The following ADGRG5 variants were observed in gnomAD, a reference collection of about 807,000 sequenced individuals.
ADGRG5 encodes the protein G protein-coupled receptor 114.
ADGRG5 carries 37 observed loss-of-function variants against 53.2 expected under a neutral mutation model. The ratio of observed to expected loss-of-function variants is 0.70; its 90% confidence interval spans 0.53 to 0.91. The LOEUF is 0.91. ADGRG5 is among the 40% of genes least tolerant of loss of function. The probability of loss-of-function intolerance (pLI) is 0.00; values close to 1 mark genes in which losing one functional copy is unlikely to be tolerated. For missense variants in ADGRG5, 614 were observed against 675.8 expected, an observed-to-expected ratio of 0.91 and a Z score of 1.01; for synonymous variants, 277 against 290.4, an observed-to-expected ratio of 0.95 and a Z score of 0.47.
chr16:57,531,162 C>T, the ADGRG5 span, among the ~76,000 whole-genome samples: 1 of 152,096 alleles, frequency 6.6e-6, no homozygotes, highest in African/African-American at 2.4e-5. Context: ...GCTTCCCATA[C>T]CTCCAACCGG....
intron 1 of ADGRG5, among the ~76,000 whole-genome samples, chr16:57,549,440 C>T (rs2032696967): frequency 6.6e-6 from 1 of 152,186 alleles, no homozygotes; most frequent in Non-Finnish European, 1.5e-5. Context: ...CCTCTTGAAG[C>T]CTTGCAAGTT....
chr16:57,529,075 C>G, the ADGRG5 span: 2 of 1,161,940 alleles, frequency 1.7e-6, no homozygotes, highest in Non-Finnish European at 2.1e-6. This position sits in a 1 kb window ranked among gnomAD's most constrained non-coding sequence, Gnocchi z 4.1. Context: ...AAGGAGTCGG[C>G]AGGCCCCATG....
chr16:57,570,034 AC>A (rs2033304531), intron 9 of ADGRG5, among the ~76,000 whole-genome samples: 1 of 151,810 alleles, frequency 6.6e-6, no homozygotes, highest in Admixed American at 6.6e-5. Flanking sequence ...CTCCATCTCC[AC>A]CATCATCACT....
the ADGRG5 span, among the ~76,000 whole-genome samples, chr16:57,531,511 C>T: frequency 6.6e-6 from 1 of 152,110 alleles, no homozygotes; most frequent in Admixed American, 6.5e-5. Flanking sequence ...TGCACTTTCA[C>T]CTCCTTCAAA....
chr16:57,563,400 T>C (rs1165606155), intron 4 of ADGRG5, among the ~76,000 whole-genome samples, 153 bp downstream of exon 4: 2 of 152,256 alleles, frequency 1.3e-5, no homozygotes, highest in Non-Finnish European at 2.9e-5. Flanking sequence ...TTGCCTCCTC[T>C]GTAAAATGGG....
At chr16:57,571,323 T>C (rs1448622241) in intron 10 of ADGRG5, among the ~76,000 whole-genome samples, 1 of 152,116 alleles carries the variant, frequency 6.6e-6, no homozygotes, top group East Asian at 1.9e-4. Flanking sequence ...TTAGGGCACC[T>C]GAGAAACAGG....
At position 57,575,419 on chromosome 16, in the gene ADGRG5, TC is replaced by T; in HGVS notation, c.1487-16del. The T allele has an allele frequency of 6.2e-7, 1 of 1,612,178 alleles. No individual in the cohort carries two copies. The highest frequency in any genetic ancestry group is 8.5e-7 in the Non-Finnish European group (1 of 1,178,278). On this transcript the variant is annotated intron_variant, in intron 11 of 11. Transcript: ENST00000349457. ...GGAAGCCCATGCTGCCCCGTGGAAC[TC>T]CCGCCTTTCTCTTGCAGGTTTCTTC...
intron 1 of ADGRG5, among the ~76,000 whole-genome samples, chr16:57,552,409 T>G (rs59660607): frequency 2.6e-5 from 4 of 152,184 alleles, no homozygotes; most frequent in African/African-American, 9.7e-5. Context: ...CTAGTTCTTG[T>G]GGATAACTTG....
At chr16:57,556,908 C>T (rs1184422429) in intron 1 of ADGRG5, among the ~76,000 whole-genome samples, 29 of 115,748 alleles carry the variant, frequency 2.5e-4, no homozygotes, top group South Asian at 5.7e-4. Context: ...TTGCCTTCTT[C>T]TTTTTTTTTT....
At chr16:57,556,339 A>G in intron 1 of ADGRG5, among the ~76,000 whole-genome samples, 1 of 152,058 alleles carries the variant, frequency 6.6e-6, no homozygotes, top group African/African-American at 2.4e-5. Flanking sequence ...TATATCTACC[A>G]TCTTGCTATT....
At chr16:57,566,539 C>T in intron 6 of ADGRG5, 60 bp from the exon 7 acceptor site, 1 of 1,360,142 alleles carries the variant, frequency 7.4e-7, no homozygotes, top group Non-Finnish European at 9.6e-7. Flanking sequence ...CCAGGACTCC[C>T]AGACACTGAT....
intron 6 of ADGRG5, 81 bp downstream of exon 6, chr16:57,565,231 CA>C: frequency 1.3e-6 from 1 of 759,390 alleles, no homozygotes; most frequent in South Asian, 1.7e-5. Flanking sequence ...TGACTAGACC[CA>C]AACCTGTGGA....
chr16:57,562,438 G>A lies in ADGRG5; in HGVS notation c.119G>A (p.Arg40Gln), dbSNP rs974313487. 31 of 1,604,966 alleles carry A rather than the reference G, an allele frequency of 1.9e-5. No individual in the cohort carries two copies. The highest frequency in any genetic ancestry group is 2.5e-5 in the Non-Finnish European group (29 of 1,175,974). Residue 40 changes from arginine to glutamine, a missense_variant, in exon 3 of 12, where the codon CGG becomes CAG. Arg to Gln is a conservative substitution (Grantham distance 43). Coordinates refer to ENST00000349457, the MANE Select transcript of ADGRG5 (RefSeq NM_001304376.3). ...GAGAATATGCAGGTGTCCAGGGGCC[G>A]GAGCTCAGTTTTTTCCTCTCGGTGA... Reference protein sequence around the residue: ...YMENMQVSRGRSSVFSSRQLH... With the variant: ...YMENMQVSRGQSSVFSSRQLH...
intron 1 of ADGRG5, among the ~76,000 whole-genome samples, chr16:57,545,613 T>A (rs945720243): frequency 1.6e-4 from 24 of 152,252 alleles, no homozygotes; most frequent in African/African-American, 5.5e-4. Flanking sequence ...TGCATTTTGC[T>A]TTTTCACTTG....
At position 57,576,299 on chromosome 16, in the gene ADGRG5, T is replaced by C. The variant is rs1050170873; in HGVS notation, c.*761T>C. 3.3e-5 allele frequency: 5 copies of C among 152,298 alleles called. No homozygotes were observed. The East Asian group carries it at 5.8e-4, about 18-fold the overall frequency. 9.4% of individuals were successfully genotyped at this position (152,298 alleles called of 1,614,324 possible). On this transcript the variant is annotated 3_prime_UTR_variant, in exon 12 of 12. Coordinates refer to ENST00000349457, the MANE Select transcript of ADGRG5 (RefSeq NM_001304376.3). Reference sequence around the variant, plus strand: ...TCCTGCGGTGCTCCCAAGACTTCCATAGACCATCTGGACCAGTAGCCCATC... The same window carrying C: ...TCCTGCGGTGCTCCCAAGACTTCCACAGACCATCTGGACCAGTAGCCCATC...
In ADGRG5 at chr16:57,556,679, A is replaced by C. The variant is rs115450798; in HGVS notation, c.-38-5377A>C. Among the ~76,000 whole-genome samples the C allele has an allele frequency of 1.6e-3, 240 of 152,302 alleles. 1 individual carries two copies. The highest frequency in any genetic ancestry group is 5.4e-3 in the African/African-American group (225 of 41,560). The stretch of plus-strand genomic sequence containing the variant: ...ACTGTGATCCCCACAATGCATTGTT[A>C]CTGTTTTTACATTAAACAGATATTA... On this transcript the variant is annotated intron_variant, in intron 1 of 11. Coordinates refer to ENST00000349457, the MANE Select transcript of ADGRG5 (RefSeq NM_001304376.3).
the ADGRG5 span, among the ~76,000 whole-genome samples, chr16:57,537,131 T>C: frequency 6.6e-6 from 1 of 152,170 alleles, no homozygotes; most frequent in African/African-American, 2.4e-5. Context: ...GCGGAGACTT[T>C]TCTCTGCATT....
At chr16:57,544,222 C>T (rs1467316226) in intron 1 of ADGRG5, among the ~76,000 whole-genome samples, 1 of 152,206 alleles carries the variant, frequency 6.6e-6, no homozygotes, top group Non-Finnish European at 1.5e-5. Context: ...AAGCAGACTC[C>T]TCTTACGCAG....
chr16:57,563,471 ATCT>A (rs1181350577), intron 4 of ADGRG5, among the ~76,000 whole-genome samples: 1 of 152,220 alleles, frequency 6.6e-6, no homozygotes, highest in Non-Finnish European at 1.5e-5. Context: ...GCAGGGCAGA[ATCT>A]TCTTCCTGCT....
Sources: allele counts gnomAD v4.1 joint callset (sites outside exome capture counted in the v4.1 genomes callset), GRCh38; gene constraint gnomAD v4.1.1; non-coding constraint Gnocchi (gnomAD v3.1); transcripts MANE v1.5; gene names NCBI Gene and HGNC (gene_info 2026-07-23, HGNC 2026-07-21).